The following CPAMD8 variants were observed in gnomAD, a reference collection of about 807,000 sequenced individuals.
The protein encoded by CPAMD8 is C3 and PZP-like alpha-2-macroglobulin domain-containing protein 8.
CPAMD8 carries 146 observed loss-of-function variants against 224.7 expected under a neutral mutation model. The ratio of observed to expected loss-of-function variants is 0.65; its 90% CI spans 0.57 to 0.75. CPAMD8 has a LOEUF of 0.75. Ranked by LOEUF, CPAMD8 falls within the 30% of genes least tolerant of loss-of-function variation. The pLI is 0.00. For missense variants in CPAMD8, 2,301 were observed against 2,537.5 expected, an observed-to-expected ratio of 0.91 and a Z score of 2.00; for synonymous variants, 966 against 1,044.6, an observed-to-expected ratio of 0.92 and a Z score of 1.45.
intron 11 of CPAMD8, 54 bp from the exon 12 acceptor site, chr19:16,993,640 C>A: frequency 6.5e-7 from 1 of 1,533,528 alleles, no homozygotes; most frequent in Non-Finnish European, 9.0e-7. Context: ...GCTCCCCAAA[C>A]TGATCTGCAG....
chr19:16,896,017 G>A (rs1479535930), intron 41 of CPAMD8, 159 bp downstream of exon 41: 1 of 807,266 alleles, frequency 1.2e-6, no homozygotes, highest in Non-Finnish European at 2.1e-6. Flanking sequence ...TTGTCCCCAG[G>A]AACTCTGAGC....
At chr19:16,998,887 T>G (rs1440190348) in intron 10 of CPAMD8, among the ~76,000 whole-genome samples, 4 of 152,108 alleles carry the variant, frequency 2.6e-5, no homozygotes, top group African/African-American at 9.7e-5. Flanking sequence ...GGGATGTTCA[T>G]AGTAGCATGA....
chr19:16,991,717 T>TAATACA (rs1447311115), intron 12 of CPAMD8, among the ~76,000 whole-genome samples: 2 of 151,542 alleles, frequency 1.3e-5, no homozygotes, highest in Non-Finnish European at 2.9e-5. Flanking sequence ...TAGCTGGGCG[T>TAATACA]GGTGGGGGGC....
At chr19:16,916,629 C>T (rs2052971765) in intron 27 of CPAMD8, among the ~76,000 whole-genome samples, 1 of 151,928 alleles carries the variant, frequency 6.6e-6, no homozygotes, top group Non-Finnish European at 1.5e-5. Context: ...ATCCCAGCTA[C>T]TCGGGAGGCT....
At position 16,896,164 on chromosome 19, in the gene CPAMD8, C is replaced by A; in HGVS notation, c.5426+12G>T. ...CTATGTCTCTTATCTCTGGGGTGGG[C>A]CCAGCTGTTACCTGTCCTCCGCCTC... On this transcript the variant is annotated intron_variant, in intron 41 of 41. Coordinates refer to ENST00000443236, the MANE Select transcript of CPAMD8 (RefSeq NM_015692.5). 1.2e-6 allele frequency: 2 copies of A among 1,613,480 alleles called. No homozygotes were observed. Among genetic ancestry groups the A allele is most frequent in the Non-Finnish European group, 1.7e-6 (2 of 1,179,874 alleles).
intron 20 of CPAMD8, among the ~76,000 whole-genome samples, chr19:16,950,230 G>A (rs1441165075): frequency 1.3e-5 from 2 of 152,006 alleles, no homozygotes; most frequent in African/African-American, 2.4e-5. Context: ...CCCGGGAGGC[G>A]GAGGTTGCAG....
chr19:16,942,488 T>A (rs907348624), intron 22 of CPAMD8, among the ~76,000 whole-genome samples: 2 of 152,100 alleles, frequency 1.3e-5, no homozygotes, highest in African/African-American at 4.8e-5. Flanking sequence ...ATAAATAAAC[T>A]AATAAATAAA....
Position 16,989,686 on chromosome 19 carries a change from C to A in CPAMD8, c.1352G>T (p.Ser451Ile), listed in dbSNP as rs573381148. The A allele has an allele frequency of 6.2e-7, 1 of 1,614,026 alleles. No homozygotes were observed. Among genetic ancestry groups the A allele is most frequent in the African/African-American group, 1.3e-5 (1 of 75,042 alleles). The change falls in exon 13 of 42, where the codon AGC (serine) becomes ATC (isoleucine). Residue 451 changes from serine to isoleucine, a missense_variant. Coordinates refer to ENST00000443236, the MANE Select transcript of CPAMD8 (RefSeq NM_015692.5). ...YLSLGSWYSP[S>I]QCYLQLQPPS... Reference sequence around the variant, plus strand: ...TGGCTGCAGCTGCAGGTAGCACTGGCTGGGGGAGTACCAGCTGCCGAGGGA... The same window carrying A: ...TGGCTGCAGCTGCAGGTAGCACTGGATGGGGGAGTACCAGCTGCCGAGGGA...
At chr19:16,904,181 A>G (rs781442273) in intron 32 of CPAMD8, 45 bp downstream of exon 32, 1 of 285,574 alleles carries the variant, frequency 3.5e-6, no homozygotes, top group Non-Finnish European at 5.9e-6. Flanking sequence ...CAGGGACCCC[A>G]CCCACCCAGC....
rs769534250 is a variant in CPAMD8 at position 17,002,307 on chromosome 19, G to A, written c.717C>T (p.Ile239=). The change falls in exon 9 of 42, where the codon ATC becomes ATT. Residue 239 remains isoleucine (I), a synonymous_variant. Transcript: ENST00000443236. ...CTGTCTCACAGGCGTCCAGGTCTTG[G>A]ATATACCGGGGCGGGTCAATCAGAA... ...FELLIDPPRY[I]QDLDACETGT... is the part of the protein sequence containing the mutation. 1.4e-5 allele frequency: 23 copies of A among 1,606,426 alleles called. No individual in the cohort carries two copies. Among genetic ancestry groups the A allele is most frequent in the Non-Finnish European group, 1.8e-5 (21 of 1,175,750 alleles).
At chr19:17,024,625 G>A (rs1288885971) in intron 1 of CPAMD8, among the ~76,000 whole-genome samples, 1 of 152,106 alleles carries the variant, frequency 6.6e-6, no homozygotes, top group Admixed American at 6.6e-5. Flanking sequence ...TCATCCAACT[G>A]CCCAGAGAAA....
At chr19:16,912,036 C>T (rs1599682107) in intron 29 of CPAMD8, among the ~76,000 whole-genome samples, 1 of 152,192 alleles carries the variant, frequency 6.6e-6, no homozygotes, top group African/African-American at 2.4e-5. Flanking sequence ...TCTCCCATCA[C>T]TCCCAGAAAG....
At chr19:16,943,418 CATTT>C (rs964440416) in intron 22 of CPAMD8, among the ~76,000 whole-genome samples, 2 of 150,888 alleles carry the variant, frequency 1.3e-5, no homozygotes, top group Admixed American at 1.3e-4. Context: ...TTCATTCATT[CATTT>C]AGACAGGGTC....
chr19:16,996,136 C>A (rs964063945), intron 11 of CPAMD8, among the ~76,000 whole-genome samples: 2 of 151,528 alleles, frequency 1.3e-5, no homozygotes, highest in African/African-American at 2.4e-5. Flanking sequence ...GGCGACAGAG[C>A]GAGACTCTTG....
intron 13 of CPAMD8, among the ~76,000 whole-genome samples, chr19:16,982,110 T>C (rs2055536379): frequency 1.3e-5 from 2 of 152,006 alleles, no homozygotes; most frequent in South Asian, 4.2e-4. Flanking sequence ...CAAAAAACTT[T>C]GGCCAGGCGC....
At chr19:16,943,967 ACT>A (rs2053988659) in intron 22 of CPAMD8, among the ~76,000 whole-genome samples, 1 of 151,772 alleles carries the variant, frequency 6.6e-6, no homozygotes, top group Non-Finnish European at 1.5e-5. Context: ...ATGATTGAAC[ACT>A]CTCAGCCTCC....
Position 16,902,714 on chromosome 19 carries a change from G to A in CPAMD8, c.4620C>T (p.Asp1540=), listed in dbSNP as rs748210595. 50 of 1,605,194 alleles carry A rather than the reference G, an allele frequency of 3.1e-5. No homozygotes were observed. The Middle Eastern group carries it at 5.6e-4, about 18-fold the overall frequency. Reference sequence around the variant, plus strand: ...GCTGATCGGCCGCTGGGTCATCATCGTCAGCTGGGGGCCAGTCTCCTCGGG... The same window carrying A: ...GCTGATCGGCCGCTGGGTCATCATCATCAGCTGGGGGCCAGTCTCCTCGGG... The part of the protein sequence containing the change: ...EGSRGDWPPA[D]DDDPAADQHH... The change falls in exon 35 of 42, where the codon GAC becomes GAT. Residue 1540 remains aspartate, a synonymous_variant. Coordinates refer to ENST00000443236, the MANE Select transcript of CPAMD8 (RefSeq NM_015692.5).
At chr19:16,901,180 G>A in intron 36 of CPAMD8, 30 bp downstream of exon 36, 1 of 1,539,922 alleles carries the variant, frequency 6.5e-7, no homozygotes, top group South Asian at 1.2e-5. Flanking sequence ...AGAGATCCCT[G>A]CCCACCGCTG....
intron 27 of CPAMD8, among the ~76,000 whole-genome samples, chr19:16,915,822 T>TGCCC (rs1194963000): frequency 4.4e-5 from 5 of 113,974 alleles, no homozygotes; most frequent in Non-Finnish European, 1.1e-4. Flanking sequence ...CCTGCCCGCC[T>TGCCC]GCCTGCCTTC....
Sources: gnomAD v4.1 joint callset for allele counts (sites outside exome capture counted in the v4.1 genomes callset) on GRCh38, gnomAD v4.1.1 for gene constraint, MANE v1.5 for transcripts, NCBI Gene and HGNC (gene_info 2026-07-23, HGNC 2026-07-21) for gene names.